Variants in CSMD1 observed in about 807,000 individuals in gnomAD.
CSMD1 encodes CUB and Sushi multiple domains 1, also known as CUB and sushi domain-containing protein 1.
CSMD1 carries 213 observed loss-of-function variants against 417.5 expected under a neutral mutation model. The observed-to-expected ratio is 0.51, with a 90% confidence interval of 0.46 to 0.57. The LOEUF is 0.57. Among genes scored for constraint, CSMD1 ranks in the 20% least tolerant of loss-of-function variants. The pLI, the probability that CSMD1 is intolerant of heterozygous loss-of-function variation, is 0.00. For missense variants in CSMD1, 6,923 were observed against 4,529.7 expected (o/e 1.53, Z -15.17); for synonymous variants, 2,862 against 1,736.8 (o/e 1.65, Z -16.11).
intron 3 of CSMD1, among the ~76,000 whole-genome samples, chr8:4,124,086 C>T (rs190165550): frequency 3.3e-5 from 5 of 150,440 alleles, no homozygotes; most frequent in Non-Finnish European, 5.9e-5. Context: ...CACAGAACAA[C>T]GAAGAAAAAA....
At chr8:4,994,252 C>T in intron 1 of CSMD1, 80 bp downstream of exon 1, 1 of 1,336,474 alleles carries the variant, frequency 7.5e-7, no homozygotes, top group Non-Finnish European at 1.0e-6. Flanking sequence ...CCCTGCGGTC[C>T]CCAAAACGCA....
intron 4 of CSMD1, among the ~76,000 whole-genome samples, chr8:4,020,969 G>A (rs544902967): frequency 2.0e-5 from 3 of 152,178 alleles, no homozygotes; most frequent in Admixed American, 6.5e-5. Flanking sequence ...TGATATCTCA[G>A]ACCCATTGCC....
At chr8:3,355,357 T>C (rs1393276835) in intron 21 of CSMD1, among the ~76,000 whole-genome samples, 1 of 152,210 alleles carries the variant, frequency 6.6e-6, no homozygotes, top group Non-Finnish European at 1.5e-5. Flanking sequence ...ATCTCCATCA[T>C]ATATACTCTC....
intron 2 of CSMD1, among the ~76,000 whole-genome samples, chr8:4,515,977 G>C (rs1803096366): frequency 6.6e-6 from 1 of 152,142 alleles, no homozygotes. Context: ...TCACCTGACA[G>C]CTGTTACCCA....
rs139985585 is a variant in CSMD1 at position 3,573,566 on chromosome 8, A to G, written c.1344+1379T>C. ...TTAAAGCTTGAATTTTTACATAAATAATAACTGAGATTTTAGAACTAAAAT... is the reference window on the plus strand; with the variant it reads ...TTAAAGCTTGAATTTTTACATAAATGATAACTGAGATTTTAGAACTAAAAT... On this transcript the variant is annotated intron_variant, in intron 10 of 69. Transcript: ENST00000635120. Among the ~76,000 whole-genome samples the G allele has an allele frequency of 5.8e-3, 876 of 152,026 alleles. 6 individuals carry two copies. Among genetic ancestry groups the G allele is most frequent in the African/African-American group, 0.02 (826 of 41,292 alleles).
At chr8:3,566,846 TA>T (rs1205414518) in intron 10 of CSMD1, among the ~76,000 whole-genome samples, 1 of 152,206 alleles carries the variant, frequency 6.6e-6, no homozygotes, top group African/African-American at 2.4e-5. Flanking sequence ...TAAACTAGGT[TA>T]ACCTTTGTGG....
At chr8:3,949,964 C>A (rs28484850) in intron 5 of CSMD1, 47,605 of 455,296 alleles carry the variant, frequency 0.1, 3,516 homozygotes, top group African/African-American at 0.28. Flanking sequence ...GCCAGCAGAG[C>A]GACGTGTCTC....
intron 4 of CSMD1, among the ~76,000 whole-genome samples, chr8:4,021,141 T>C (rs1044429453): frequency 5.9e-5 from 9 of 152,210 alleles, no homozygotes; most frequent in Admixed American, 2.6e-4. Flanking sequence ...GCCTGAAGTG[T>C]ATGCAGCTCA....
intron 50 of CSMD1, among the ~76,000 whole-genome samples, chr8:3,044,771 C>A (rs935570953): frequency 6.6e-6 from 1 of 152,134 alleles, no homozygotes; most frequent in African/African-American, 2.4e-5. Flanking sequence ...TTGTATTTAC[C>A]ATTTGCATTT....
intron 6 of CSMD1, among the ~76,000 whole-genome samples, chr8:3,733,893 G>A (rs374357376): frequency 2.6e-5 from 4 of 152,152 alleles, no homozygotes; most frequent in Non-Finnish European, 4.4e-5. Context: ...CAAAGTACGA[G>A]AAAAGCATAG....
chr8:3,650,654 T>C (rs992898907), intron 7 of CSMD1, among the ~76,000 whole-genome samples: 1 of 152,328 alleles, frequency 6.6e-6, no homozygotes. Flanking sequence ...AACACTACCA[T>C]CACGCTATGA....
intron 3 of CSMD1, among the ~76,000 whole-genome samples, chr8:4,374,967 G>GGGC (rs1563107785): frequency 3.7e-5 from 5 of 133,548 alleles, no homozygotes; most frequent in Admixed American, 7.5e-5. Context: ...GGGGTGGGGG[G>GGGC]GGGGGGCGAT....
intron 10 of CSMD1, among the ~76,000 whole-genome samples, chr8:3,534,707 C>A (rs555385444): frequency 1.3e-5 from 2 of 152,132 alleles, no homozygotes; most frequent in Non-Finnish European, 2.9e-5. Context: ...TTCTTCTAGT[C>A]CCAGAGCCTT....
At chr8:4,632,132 G>A (rs376957413) in intron 2 of CSMD1, among the ~76,000 whole-genome samples, 4 of 152,178 alleles carry the variant, frequency 2.6e-5, no homozygotes, top group Admixed American at 2.6e-4. Context: ...ATTCATTTAG[G>A]AGAGAGTTAC....
intron 23 of CSMD1, among the ~76,000 whole-genome samples, chr8:3,329,749 A>G (rs1309374604): frequency 2.0e-5 from 3 of 152,152 alleles, no homozygotes; most frequent in African/African-American, 7.2e-5. Flanking sequence ...AGCAGAGGCC[A>G]TGCCATCAGT....
At chr8:4,411,134 C>T (rs1796631585) in intron 3 of CSMD1, among the ~76,000 whole-genome samples, 1 of 152,140 alleles carries the variant, frequency 6.6e-6, no homozygotes, top group South Asian at 2.1e-4. Flanking sequence ...CCTCCATAAC[C>T]ATGAGATACA....
intron 1 of CSMD1, among the ~76,000 whole-genome samples, chr8:4,835,717 C>G (rs1800436824): frequency 6.6e-6 from 1 of 151,836 alleles, no homozygotes; most frequent in Non-Finnish European, 1.5e-5. Flanking sequence ...TATTTTAGTT[C>G]AACATTTACC....
intron 1 of CSMD1, among the ~76,000 whole-genome samples, chr8:4,848,814 G>C (rs943822435): frequency 4.5e-4 from 68 of 152,322 alleles, no homozygotes; most frequent in African/African-American, 1.5e-3. Context: ...AAAGTGCTGG[G>C]ATTACAGGCG....
chr8:3,191,875 T>C (rs1371419021), intron 33 of CSMD1, among the ~76,000 whole-genome samples: 1 of 152,242 alleles, frequency 6.6e-6, no homozygotes, highest in African/African-American at 2.4e-5. Context: ...TCTATCCTCC[T>C]CAGTCCTTGT....
Sources: allele counts gnomAD v4.1 joint callset (sites outside exome capture counted in the v4.1 genomes callset), GRCh38; gene constraint gnomAD v4.1.1; transcripts MANE v1.5; gene names NCBI Gene and HGNC (gene_info 2026-07-23, HGNC 2026-07-21).